Variants in IYD observed in about 807,000 individuals in gnomAD.
The protein encoded by IYD is iodotyrosine deiodinase 1.
Under a neutral mutation model 28.4 loss-of-function variants are expected in IYD, and 25 were observed. The ratio of observed to expected loss-of-function variants is 0.88; its 90% CI spans 0.64 to 1.23. IYD has a LOEUF of 1.23. Among genes scored for constraint, IYD ranks in the 50% most tolerant of loss-of-function variants. The probability of loss-of-function intolerance (pLI) is 0.00; values close to 1 mark genes in which losing one functional copy is unlikely to be tolerated. For missense variants in IYD, 352 were observed against 357.9 expected, an observed-to-expected ratio of 0.98 and a Z score of 0.13; for synonymous variants, 140 against 130.8, an observed-to-expected ratio of 1.07 and a Z score of -0.48.
intron 4 of IYD, among the ~76,000 whole-genome samples, chr6:150,397,691 C>T (rs2115064225): frequency 6.6e-6 from 1 of 152,168 alleles, no homozygotes; most frequent in East Asian, 1.9e-4. Flanking sequence ...AGGACACAGA[C>T]CAACCCCTTA....
chr6:150,394,280 A>G, intron 4 of IYD, 25 bp downstream of exon 4: 1 of 1,613,670 alleles, frequency 6.2e-7, no homozygotes, highest in South Asian at 1.1e-5. Flanking sequence ...CAAGGGTTAC[A>G]GGGTGGCCTT....
chr6:150,386,936 A>G (rs911360569), intron 1 of IYD, among the ~76,000 whole-genome samples: 20 of 152,142 alleles, frequency 1.3e-4, no homozygotes, highest in African/African-American at 4.8e-4. Context: ...GTTCATTTCT[A>G]TTCAATGCAA....
At chr6:150,382,796 C>G (rs1301581655) in intron 1 of IYD, among the ~76,000 whole-genome samples, 1 of 152,102 alleles carries the variant, frequency 6.6e-6, no homozygotes. Context: ...TCTAGAGGAT[C>G]TTTTTAGTTC....
At chr6:150,369,991 G>T in intron 1 of IYD, 1 of 702,252 alleles carries the variant, frequency 1.4e-6, no homozygotes, top group Non-Finnish European at 2.6e-6. Flanking sequence ...ACCTTGAGAA[G>T]AAGAGGTGAT....
At chr6:150,385,968 C>T (rs979382134) in intron 1 of IYD, among the ~76,000 whole-genome samples, 2 of 151,938 alleles carry the variant, frequency 1.3e-5, no homozygotes, top group African/African-American at 4.8e-5. Context: ...ACTGATGCCT[C>T]CTTTTTCATT....
chr6:150,384,240 T>A (rs1777776965), intron 1 of IYD: 1 of 152,168 alleles, frequency 6.6e-6, no homozygotes, highest in Admixed American at 6.5e-5. Context: ...CCCATTCCCA[T>A]CAGGCTGCAA....
intron 3 of IYD, 28 bp from the exon 4 acceptor site, chr6:150,394,068 ATAT>A (rs1562321083): frequency 5.0e-6 from 8 of 1,611,204 alleles, no homozygotes; most frequent in East Asian, 2.2e-5. Flanking sequence ...ATATGGGCAA[ATAT>A]TATCCTGAAT....
At chr6:150,373,460 A>T (rs1398826640) in intron 1 of IYD, among the ~76,000 whole-genome samples, 2 of 152,154 alleles carry the variant, frequency 1.3e-5, no homozygotes, top group Non-Finnish European at 2.9e-5. Context: ...ACCAAATGAC[A>T]CTGATCCTAC....
chr6:150,390,750 G>C (rs1240307215), intron 2 of IYD, among the ~76,000 whole-genome samples: 2 of 152,150 alleles, frequency 1.3e-5, no homozygotes, highest in Non-Finnish European at 2.9e-5. Context: ...GTTGAGGGAC[G>C]ACACCCAGAT....
At chr6:150,395,602 A>G in intron 4 of IYD, 8 of 1,507,042 alleles carry the variant, frequency 5.3e-6, no homozygotes, top group Admixed American at 2.0e-5. Context: ...TCACTTTGCC[A>G]TTGAGTTTGC....
rs2076284 is a variant in IYD, at chr6:150,398,477, G to T, written c.*240G>T. ...TGAACACTTTACAAAGAACATGCCC[G>T]GGTTTTTACATTTTAAAAGTTATTC... On this transcript the variant is annotated 3_prime_UTR_variant, in exon 5 of 5. Coordinates refer to ENST00000344419, the MANE Select transcript of IYD (RefSeq NM_203395.3). 0.11 allele frequency: 54,508 copies of T among 503,068 alleles called. 7,245 individuals are homozygous for T. Among genetic ancestry groups the T allele is most frequent in the African/African-American group, 0.41 (21,591 of 52,398 alleles). The allele number at this position is 503,068 out of a possible 1,614,324, so 31.2% of individuals were successfully genotyped here.
intron 4 of IYD, chr6:150,396,268 T>C: frequency 2.5e-6 from 1 of 401,584 alleles, no homozygotes; most frequent in East Asian, 3.8e-5. Flanking sequence ...AAAACTTTTT[T>C]TTTCAAATTC....
At chr6:150,374,630 G>T (rs989756142) in intron 1 of IYD, among the ~76,000 whole-genome samples, 1 of 152,142 alleles carries the variant, frequency 6.6e-6, no homozygotes, top group Non-Finnish European at 1.5e-5. Flanking sequence ...AGAACAGTAT[G>T]GGGGAAACTG....
At chr6:150,389,632 G>A (rs1778035656) in intron 2 of IYD, 89 bp downstream of exon 2, 2 of 1,148,010 alleles carry the variant, frequency 1.7e-6, no homozygotes, top group Non-Finnish European at 2.6e-6. Context: ...TTTAAACATA[G>A]CGAATAAAGC....
In IYD at chr6:150,369,127, G is replaced by A. The variant is rs1157984678; in HGVS notation, c.96G>A (p.Gly32=). 1.9e-6 allele frequency: 3 copies of A among 1,613,972 alleles called. No homozygotes were observed. Among genetic ancestry groups the A allele is most frequent in the Non-Finnish European group, 2.5e-6 (3 of 1,180,002 alleles). The part of the protein sequence containing the change: ...NADRSMEKKK[G]EPRTRAEARP... ...ACAGAAGCATGGAGAAAAAGAAGGGGGAGCCTAGAACCAGGGCCGAAGCTC... is the reference window on the plus strand; with the variant it reads ...ACAGAAGCATGGAGAAAAAGAAGGGAGAGCCTAGAACCAGGGCCGAAGCTC... Residue 32 remains glycine (G), a synonymous_variant, in exon 1 of 5, where the codon GGG becomes GGA. Transcript: ENST00000344419.
intron 2 of IYD, among the ~76,000 whole-genome samples, chr6:150,390,991 C>A (rs762234580): frequency 2.6e-5 from 4 of 152,126 alleles, no homozygotes; most frequent in Non-Finnish European, 5.9e-5. Context: ...GTAATCCCAG[C>A]ACTTTGGGAG....
intron 1 of IYD, among the ~76,000 whole-genome samples, chr6:150,387,385 A>AC (rs1015646550): frequency 2.0e-5 from 3 of 150,546 alleles, no homozygotes; most frequent in African/African-American, 7.3e-5. Context: ...ACATAGCAAG[A>AC]CCCCATTTCT....
At chr6:150,373,281 A>G (rs1242786047) in intron 1 of IYD, among the ~76,000 whole-genome samples, 1 of 152,240 alleles carries the variant, frequency 6.6e-6, no homozygotes, top group East Asian at 1.9e-4. Context: ...GCCCATAATA[A>G]CAAGTAGCTT....
rs1004735347 is a variant in IYD at position 150,379,785 on chromosome 6, G to A, written c.179-9567G>A. 4.6e-5 allele frequency among the ~76,000 whole-genome samples: 7 copies of A among 152,176 alleles called. No homozygotes were observed. In the East Asian group the frequency reaches 5.8e-4, roughly 13 times the overall value. Reference sequence around the variant, plus strand: ...TCAGGTCCCATTCAATTCCCAAAGGGAATTATTGACTATCCATTATCTGAT... The same window carrying A: ...TCAGGTCCCATTCAATTCCCAAAGGAAATTATTGACTATCCATTATCTGAT... On this transcript the variant is annotated intron_variant, in intron 1 of 4. Transcript: ENST00000344419.
Sources: allele counts gnomAD v4.1 joint callset (sites outside exome capture counted in the v4.1 genomes callset), GRCh38; gene constraint gnomAD v4.1.1; transcripts MANE v1.5; gene names NCBI Gene and HGNC (gene_info 2026-07-23, HGNC 2026-07-21).